PPP1R3A: variants seen among roughly 807,000 people sequenced by gnomAD.
PPP1R3A encodes RG1.
PPP1R3A carries 29 observed loss-of-function variants against 41.7 expected under a neutral mutation model. The observed-to-expected ratio is 0.70, with a 90% CI of 0.52 to 0.95. The LOEUF is 0.95. Among genes scored for constraint, PPP1R3A ranks in the 40% least tolerant of loss-of-function variants. The pLI, the probability that PPP1R3A is intolerant of heterozygous loss-of-function variation, is 0.00. For missense variants in PPP1R3A, 1,352 were observed against 1,292.4 expected, an observed-to-expected ratio of 1.05 and a Z score of -0.71; for synonymous variants, 485 against 453.4, an observed-to-expected ratio of 1.07 and a Z score of -0.89.
At chr7:113,896,158 C>T (rs1364223251) in intron 1 of PPP1R3A, among the ~76,000 whole-genome samples, 2 of 151,818 alleles carry the variant, frequency 1.3e-5, no homozygotes, top group Non-Finnish European at 1.5e-5. Flanking sequence ...AAATTATGAA[C>T]GCAAAGCACT....
At position 113,879,176 on chromosome 7, in the gene PPP1R3A, C is replaced by T; in HGVS notation, c.1916G>A (p.Gly639Asp). The change falls in exon 4 of 4, where the codon GGT becomes GAT. Residue 639 changes from glycine to aspartate, a missense_variant. Gly to Asp is a moderately conservative substitution (Grantham distance 94). Coordinates refer to ENST00000284601, the MANE Select transcript of PPP1R3A (RefSeq NM_002711.4). ...ATCCTGATCTTCAGAATTAATCCCA[C>T]CTGATTTTTCTTCAACTTGGAAAAG... ...DYLFQVEEKS[G>D]GINSEDQDNS... is the part of the protein sequence containing the mutation. 3.7e-6 allele frequency: 6 copies of T among 1,613,598 alleles called. No homozygotes were observed. Among genetic ancestry groups the T allele is most frequent in the Non-Finnish European group, 5.1e-6 (6 of 1,179,764 alleles).
At chr7:113,898,067 A>G (rs927243408) in intron 1 of PPP1R3A, among the ~76,000 whole-genome samples, 3 of 151,836 alleles carry the variant, frequency 2.0e-5, no homozygotes, top group Non-Finnish European at 4.4e-5. Context: ...AAAGGACTCA[A>G]TCCGTCTATT....
At chr7:113,915,418 T>C (rs138242836) in intron 1 of PPP1R3A, among the ~76,000 whole-genome samples, 2 of 151,944 alleles carry the variant, frequency 1.3e-5, no homozygotes, top group East Asian at 1.9e-4. Flanking sequence ...TTAAGAAGAA[T>C]TGAAGTTAGC....
Position 113,879,194 on chromosome 7 carries a change from T to A in PPP1R3A, c.1898A>T (p.Gln633Leu), listed in dbSNP as rs1159292662. ...GNVLRNDYLF[Q>L]VEEKSGGINS... ...AATCCCACCTGATTTTTCTTCAACTTGGAAAAGATAATCATTCCTCAAAAC... is the reference window on the plus strand; with the variant it reads ...AATCCCACCTGATTTTTCTTCAACTAGGAAAAGATAATCATTCCTCAAAAC... Residue 633 changes from glutamine (Q) to leucine (L), a missense_variant, in exon 4 of 4, where the codon CAA becomes CTA. Transcript: ENST00000284601. 5 of 1,613,628 alleles carry A rather than the reference T, an allele frequency of 3.1e-6. No homozygotes were observed. Among genetic ancestry groups the A allele is most frequent in the Non-Finnish European group, 2.5e-6 (3 of 1,179,770 alleles).
chr7:113,878,878 T>C lies in PPP1R3A; in HGVS notation c.2214A>G (p.Glu738=). ...TAGCAGACATGCTTTCTGGAGTACT[T>C]TCTGATGTTGTCTTAATTATATAGG... is the stretch of plus-strand genomic sequence containing the variant. ...GTAYIIKTTS[E]STPESMSARE... is the part of the protein sequence containing the mutation. Residue 738 remains glutamate, a synonymous_variant, in exon 4 of 4, where the codon GAA becomes GAG. Coordinates refer to ENST00000284601, the MANE Select transcript of PPP1R3A (RefSeq NM_002711.4). 6.2e-7 allele frequency: 1 copy of C among 1,612,994 alleles called. No homozygotes were observed. Among genetic ancestry groups the C allele is most frequent in the East Asian group, 2.2e-5 (1 of 44,838 alleles).
chr7:113,888,075 C>T (rs1009011003), intron 1 of PPP1R3A, among the ~76,000 whole-genome samples: 3 of 150,704 alleles, frequency 2.0e-5, no homozygotes, highest in African/African-American at 4.9e-5. Flanking sequence ...CTAGAAACAA[C>T]AAAATGTTCA....
In PPP1R3A at chr7:113,878,346, A is replaced by G. The variant is rs370279511; in HGVS notation, c.2746T>C (p.Phe916Leu). ...TNRAPQNSSP[F>L]SKHHTEISVS... ...GAAATTTCAGTATGATGTTTGGAAA[A>G]AGGAGAGCTATTCTGAGGAGCTCTA... The change falls in exon 4 of 4, where the codon TTT becomes CTT. Residue 916 changes from phenylalanine (F) to leucine (L), a missense_variant. Phe to Leu is a conservative substitution (Grantham distance 22). Transcript: ENST00000284601. 6.2e-7 allele frequency: 1 copy of G among 1,612,820 alleles called. No homozygotes were observed. The highest frequency in any genetic ancestry group is 1.3e-5 in the African/African-American group (1 of 74,868).
intron 1 of PPP1R3A, among the ~76,000 whole-genome samples, chr7:113,892,230 C>G (rs1020720542): frequency 6.6e-6 from 1 of 151,964 alleles, no homozygotes; most frequent in African/African-American, 2.4e-5. Flanking sequence ...AATAAATGAC[C>G]TTTAAAATCA....
chr7:113,914,020 T>C (rs1001044372), intron 1 of PPP1R3A, among the ~76,000 whole-genome samples: 1 of 152,062 alleles, frequency 6.6e-6, no homozygotes, highest in African/African-American at 2.4e-5. Flanking sequence ...AGTAAACATT[T>C]GTTGAATAAG....
intron 1 of PPP1R3A, among the ~76,000 whole-genome samples, chr7:113,897,045 T>C (rs537356152): frequency 6.6e-6 from 1 of 151,982 alleles, no homozygotes; most frequent in African/African-American, 2.4e-5. Context: ...GGTATAACTT[T>C]TCATATGAGA....
chr7:113,915,782 A>G (rs1473326029), intron 1 of PPP1R3A, among the ~76,000 whole-genome samples: 1 of 151,884 alleles, frequency 6.6e-6, no homozygotes, highest in Non-Finnish European at 1.5e-5. Flanking sequence ...TCAAATAAGT[A>G]TTAGTTCATT....
rs530896515 is a variant in PPP1R3A, at chr7:113,882,415, A to G, written c.783-95T>C. The G allele has an allele frequency of 1.8e-5, 13 of 726,410 alleles. No individual in the cohort carries two copies. In the African/African-American group the frequency reaches 2.3e-4, roughly 13 times the overall value. The allele number at this position is 726,410 out of a possible 1,614,324, so 45.0% of individuals were successfully genotyped here. On this transcript the variant is annotated intron_variant, in intron 1 of 3. Transcript: ENST00000284601. ...GGAAATTCAATCAGTAACAAGCCAAATAAACATTATATAGCCTTTCTTATT... is the reference window on the plus strand; with the variant it reads ...GGAAATTCAATCAGTAACAAGCCAAGTAAACATTATATAGCCTTTCTTATT...
At chr7:113,891,901 A>C (rs1321588738) in intron 1 of PPP1R3A, among the ~76,000 whole-genome samples, 1 of 152,016 alleles carries the variant, frequency 6.6e-6, no homozygotes, top group Non-Finnish European at 1.5e-5. Context: ...TTACCCAACC[A>C]GTTAAGGTGA....
intron 1 of PPP1R3A, among the ~76,000 whole-genome samples, chr7:113,913,038 G>A (rs1382335378): frequency 6.6e-6 from 1 of 152,044 alleles, no homozygotes; most frequent in Non-Finnish European, 1.5e-5. Context: ...TTGGCACCTC[G>A]CTGTCAACCA....
chr7:113,878,522 T>G lies in PPP1R3A; in HGVS notation c.2570A>C (p.Lys857Thr), dbSNP rs1554395479. ...CTGTAAATCCAGTTTTGAAGTTGCT[T>G]TTTGATATTCTGTAATGACCCATGA... ...ESSWVITEYQ[K>T]ATSKLDLQLG... is the part of the protein sequence containing the mutation. The change falls in exon 4 of 4, where the codon AAA becomes ACA. Residue 857 changes from lysine (K) to threonine (T), a missense_variant. Transcript: ENST00000284601. The G allele has an allele frequency of 6.2e-7, 1 of 1,613,408 alleles. No homozygotes were observed. The highest frequency in any genetic ancestry group is 8.5e-7 in the Non-Finnish European group (1 of 1,179,706).
rs1272667300 is a variant in PPP1R3A, at chr7:113,882,051, T to C, written c.954A>G (p.Glu318=). Residue 318 remains glutamate (E), a synonymous_variant, in exon 3 of 4, where the codon GAA becomes GAG. Coordinates refer to ENST00000284601, the MANE Select transcript of PPP1R3A (RefSeq NM_002711.4). ...NREHDEHNEK[E]LELMINQHLI... Reference sequence around the variant, plus strand: ...CCAGAACACTTACCATCAACTCTAATTCTTTTTCATTATGTTCATCATGTT... The same window carrying C: ...CCAGAACACTTACCATCAACTCTAACTCTTTTTCATTATGTTCATCATGTT... The C allele has an allele frequency of 3.1e-6, 5 of 1,612,404 alleles. No individual in the cohort carries two copies. Among genetic ancestry groups the C allele is most frequent in the African/African-American group, 1.3e-5 (1 of 74,832 alleles).
Position 113,880,041 on chromosome 7 carries a change from T to C in PPP1R3A, c.1051A>G (p.Asn351Asp). ...TFSTDPVNFPNKAEGLEKKQI... is the reference protein window; with the variant it reads ...TFSTDPVNFPDKAEGLEKKQI... ...TTCTTCTCTAACCCCTCTGCTTTAT[T>C]TGGAAAATTGACTGGATCTGTTGAA... The change falls in exon 4 of 4, where the codon AAT becomes GAT. Residue 351 changes from asparagine to aspartate, a missense_variant. By Grantham distance (23) the Asn-to-Asp change is conservative. Coordinates refer to ENST00000284601, the MANE Select transcript of PPP1R3A (RefSeq NM_002711.4). 1 of 1,611,116 alleles carries C rather than the reference T, an allele frequency of 6.2e-7. No homozygotes were observed. The highest frequency in any genetic ancestry group is 8.5e-7 in the Non-Finnish European group (1 of 1,177,670).
chr7:113,879,045 C>T lies in PPP1R3A; in HGVS notation c.2047G>A (p.Glu683Lys), dbSNP rs1796630556. 1 of 1,613,738 alleles carries T rather than the reference C, an allele frequency of 6.2e-7. No homozygotes were observed. The highest frequency in any genetic ancestry group is 8.5e-7 in the Non-Finnish European group (1 of 1,179,812). ...TTATCTCTTTTTCCCCACACGTCTTCACAATCTGTTTGTCCTTTGATATGC... is the reference window on the plus strand; with the variant it reads ...TTATCTCTTTTTCCCCACACGTCTTTACAATCTGTTTGTCCTTTGATATGC... ...TEHIKGQTDC[E>K]DVWGKRDNTR... Residue 683 changes from glutamate (E) to lysine (K), a missense_variant, in exon 4 of 4, where the codon GAA becomes AAA. Physicochemically the swap from Glu to Lys is moderately conservative, Grantham distance 56. Coordinates refer to ENST00000284601, the MANE Select transcript of PPP1R3A (RefSeq NM_002711.4).
intron 1 of PPP1R3A, among the ~76,000 whole-genome samples, chr7:113,914,105 A>G (rs961237128): frequency 6.6e-5 from 10 of 152,186 alleles, no homozygotes; most frequent in African/African-American, 2.4e-4. Flanking sequence ...ACATTAGCTG[A>G]ACAAGATTTG....
Sources: allele counts gnomAD v4.1 joint callset (sites outside exome capture counted in the v4.1 genomes callset), GRCh38; gene constraint gnomAD v4.1.1; transcripts MANE v1.5; gene names NCBI Gene and HGNC (gene_info 2026-07-23, HGNC 2026-07-21).